Variants in RORA observed in about 807,000 individuals in gnomAD.
RORA encodes the protein RAR related orphan receptor A.
A neutral mutation model predicts 69.5 loss-of-function variants in RORA; 7 were observed. That is an observed-to-expected ratio of 0.10 (90% CI 0.06 to 0.19). The LOEUF (loss-of-function observed/expected upper bound fraction) is 0.19. RORA is among the 10% of genes least tolerant of loss of function. RORA has a pLI of 1.00. For missense variants in RORA, 457 were observed against 663.0 expected, an observed-to-expected ratio of 0.69 and a Z score of 3.41; for synonymous variants, 261 against 240.8, an observed-to-expected ratio of 1.08 and a Z score of -0.78.
chr15:60,917,489 C>T (rs1891911613), intron 1 of RORA, among the ~76,000 whole-genome samples: 2 of 152,188 alleles, frequency 1.3e-5, no homozygotes, highest in African/African-American at 4.8e-5. Flanking sequence ...TTCTACGAGC[C>T]TAGCCTAGAC....
intron 8 of RORA, 42 bp downstream of exon 8, chr15:60,502,718 A>G: frequency 4.1e-6 from 5 of 1,206,566 alleles, no homozygotes; most frequent in Non-Finnish European, 6.1e-6. Flanking sequence ...ATCTTTTCCT[A>G]TAGCCCTGAT....
chr15:61,133,839 T>C (rs2079213578), intron 1 of RORA, among the ~76,000 whole-genome samples: 1 of 152,206 alleles, frequency 6.6e-6, no homozygotes, highest in Admixed American at 6.5e-5. Flanking sequence ...CCTACCCTTC[T>C]TCCTACTGCA....
At chr15:61,011,281 AATCT>A (rs1175749463) in intron 1 of RORA, among the ~76,000 whole-genome samples, 1 of 152,138 alleles carries the variant, frequency 6.6e-6, no homozygotes, top group Non-Finnish European at 1.5e-5. Context: ...CTCATCACTC[AATCT>A]GTTTCTCTTC....
intron 1 of RORA, among the ~76,000 whole-genome samples, chr15:60,782,315 A>G (rs1384618547): frequency 6.6e-6 from 1 of 152,214 alleles, no homozygotes; most frequent in East Asian, 1.9e-4. Context: ...GCACAAATAC[A>G]GCTAAGGAAG....
intron 1 of RORA, among the ~76,000 whole-genome samples, chr15:60,875,820 C>T (rs1009720235): frequency 7.9e-5 from 12 of 152,090 alleles, no homozygotes; most frequent in Non-Finnish European, 1.6e-4. Context: ...TGAAGCCAGG[C>T]CTTCAGTAGT....
At chr15:60,598,306 G>A (rs191522140) in intron 2 of RORA, 1 of 152,266 alleles carries the variant, frequency 6.6e-6, no homozygotes, top group Admixed American at 6.5e-5. Context: ...TGAAACTCGT[G>A]TGTGTGTGTC....
At chr15:60,764,906 A>G (rs1233715502) in intron 1 of RORA, 1 of 151,738 alleles carries the variant, frequency 6.6e-6, no homozygotes, top group Non-Finnish European at 1.5e-5. Flanking sequence ...AAATGGGTTC[A>G]TCATTTAGCT....
chr15:60,582,031 CA>C (rs2068209840), intron 2 of RORA, among the ~76,000 whole-genome samples: 1 of 152,086 alleles, frequency 6.6e-6, no homozygotes, highest in South Asian at 2.1e-4. Flanking sequence ...CCATGGTTTC[CA>C]TTTTTAAACA....
chr15:60,548,706 C>T (rs1001991389), intron 2 of RORA, among the ~76,000 whole-genome samples: 46 of 152,246 alleles, frequency 3.0e-4, no homozygotes, highest in Admixed American at 7.2e-4. Context: ...GGCGCGATCT[C>T]GGCTCACTGC....
chr15:60,960,560 C>T (rs1893388611), intron 1 of RORA, among the ~76,000 whole-genome samples: 1 of 152,058 alleles, frequency 6.6e-6, no homozygotes, highest in African/African-American at 2.4e-5. Flanking sequence ...TAGAGAGTTA[C>T]ACGATCAGGA....
intron 1 of RORA, among the ~76,000 whole-genome samples, chr15:60,827,364 G>C (rs1052735815): frequency 6.6e-6 from 1 of 152,188 alleles, no homozygotes; most frequent in Non-Finnish European, 1.5e-5. Flanking sequence ...AGGAGCTTTA[G>C]GGCTGCTAAG....
intron 1 of RORA, among the ~76,000 whole-genome samples, chr15:61,148,899 C>T (rs539566019): frequency 5.3e-5 from 8 of 152,284 alleles, no homozygotes; most frequent in Middle Eastern, 3.4e-3. Flanking sequence ...ACACACCCTG[C>T]CTAAAAAGCG....
chr15:61,159,439 C>T (rs1250882554), intron 1 of RORA, among the ~76,000 whole-genome samples: 1 of 152,176 alleles, frequency 6.6e-6, no homozygotes, highest in Non-Finnish European at 1.5e-5. Context: ...CCATCAGAAA[C>T]CCTTGTCAAA....
At chr15:60,841,515 G>T (rs2073198160) in intron 1 of RORA, among the ~76,000 whole-genome samples, 1 of 152,172 alleles carries the variant, frequency 6.6e-6, no homozygotes, top group Non-Finnish European at 1.5e-5. Flanking sequence ...ATTGGTTCTG[G>T]AGAAGGAGGC....
At position 61,153,219 on chromosome 15, in the gene RORA, T is replaced by C. The variant is rs1437253468; in HGVS notation, c.166+75834A>G. On this transcript the variant is annotated intron_variant, in intron 1 of 10. Transcript: ENST00000335670. The stretch of plus-strand genomic sequence containing the variant: ...CCCCAAGGAGCTGGTCTCAATGTCA[T>C]GTCCAGGAGTTCGCCCTTAACCTGC... Among the ~76,000 whole-genome samples the C allele has an allele frequency of 2.6e-5, 4 of 152,142 alleles. No homozygotes were observed. The South Asian group carries it at 6.2e-4, about 24-fold the overall frequency.
At chr15:60,613,486 G>T (rs149263790) in intron 2 of RORA, among the ~76,000 whole-genome samples, 1 of 152,188 alleles carries the variant, frequency 6.6e-6, no homozygotes, top group African/African-American at 2.4e-5. Flanking sequence ...ATCCTTGGGA[G>T]CCTTGATTTC....
Position 61,061,578 on chromosome 15 carries a change from C to T in RORA, c.166+167475G>A, listed in dbSNP as rs1274742071. On this transcript the variant is annotated intron_variant, in intron 1 of 10. Coordinates refer to ENST00000335670, the MANE Select transcript of RORA (RefSeq NM_134261.3). This position sits in a 1 kb window ranked among gnomAD's most constrained non-coding sequence, Gnocchi z 4.4. Reference sequence around the variant, plus strand: ...AGATTTTCAGTAACTTACGTACCAACCTCTAAGCCCCTTTATGGTTGATTC... The same window carrying T: ...AGATTTTCAGTAACTTACGTACCAATCTCTAAGCCCCTTTATGGTTGATTC... 1.3e-5 allele frequency among the ~76,000 whole-genome samples: 2 copies of T among 152,048 alleles called. No individual in the cohort carries two copies. The highest frequency in any genetic ancestry group is 4.8e-5 in the African/African-American group (2 of 41,368).
chr15:61,073,860 G>A lies in RORA; in HGVS notation c.166+155193C>T, dbSNP rs538690860. ...TTTGGCACCCTAAATGCCAAGCATC[G>A]CTGAATCAATTGCTAAATTTCAAAA... On this transcript the variant is annotated intron_variant, in intron 1 of 10. Coordinates refer to ENST00000335670, the MANE Select transcript of RORA (RefSeq NM_134261.3). Among the ~76,000 whole-genome samples, 60 of 152,274 alleles carry A rather than the reference G, an allele frequency of 3.9e-4. No homozygotes were observed. The South Asian group carries it at 9.3e-3, about 24-fold the overall frequency.
intron 1 of RORA, among the ~76,000 whole-genome samples, chr15:61,063,583 A>G (rs2078216769): frequency 6.6e-6 from 1 of 152,172 alleles, no homozygotes; most frequent in Non-Finnish European, 1.5e-5. Context: ...CCTGGGTGAA[A>G]TCTTTGTCCT....
Sources: gnomAD v4.1 joint callset for allele counts (sites outside exome capture counted in the v4.1 genomes callset) on GRCh38, gnomAD v4.1.1 for gene constraint, Gnocchi (gnomAD v3.1) non-coding constraint, MANE v1.5 for transcripts, NCBI Gene and HGNC (gene_info 2026-07-23, HGNC 2026-07-21) for gene names.